The following ZNF518A variants were observed in gnomAD, a reference collection of about 807,000 sequenced individuals.
The protein encoded by ZNF518A is zinc finger protein 518A.
ZNF518A carries 47 observed loss-of-function variants against 102.7 expected under a neutral mutation model. The ratio of observed to expected loss-of-function variants is 0.46; its 90% CI spans 0.36 to 0.58. ZNF518A has a LOEUF of 0.58. Ranked by LOEUF, ZNF518A falls within the 20% of genes least tolerant of loss-of-function variation. The pLI is 0.00. For missense variants in ZNF518A, 1,793 were observed against 1,699.8 expected, an observed-to-expected ratio of 1.05 and a Z score of -0.96; for synonymous variants, 652 against 594.6, an observed-to-expected ratio of 1.10 and a Z score of -1.40.
At chr10:96,151,501 C>T (rs2082449028) in intron 3 of ZNF518A, 1 of 152,256 alleles carries the variant, frequency 6.6e-6, no homozygotes, top group South Asian at 2.1e-4. Context: ...GTACCTCAGC[C>T]TGAGCCTTCT....
At position 96,192,018 on chromosome 10, in the gene ZNF518A, G is replaced by A. The variant is rs931320409; in HGVS notation, n.36-11556G>A. ...ACTTCAGTCTGGTGGAATCTTTTGT[G>A]TTATTCTGACTGTCAATAAGAACCA... On this transcript the variant is annotated intron_variant and non_coding_transcript_variant, in intron 1 of 2. Coordinates refer to the ZNF518A transcript ENST00000442635. The A allele has an allele frequency of 6.2e-7, 1 of 1,613,638 alleles. No homozygotes were observed. Among genetic ancestry groups the A allele is most frequent in the Middle Eastern group, 1.7e-4 (1 of 6,056 alleles).
chr10:96,181,760 G>A (rs587610549), intron 1 of ZNF518A, among the ~76,000 whole-genome samples: 1 of 152,314 alleles, frequency 6.6e-6, no homozygotes, highest in South Asian at 2.1e-4. Flanking sequence ...ATAGTTTGAA[G>A]TCAGGTAGCG....
At chr10:96,184,510 C>G (rs1381209484) in intron 1 of ZNF518A, among the ~76,000 whole-genome samples, 38 of 152,208 alleles carry the variant, frequency 2.5e-4, no homozygotes, top group Non-Finnish European at 4.9e-4. Flanking sequence ...GTGACAAAAT[C>G]TCTCAGCATT....
chr10:96,201,539 G>A (rs1283245042), intron 1 of ZNF518A, among the ~76,000 whole-genome samples: 1 of 152,108 alleles, frequency 6.6e-6, no homozygotes, highest in African/African-American at 2.4e-5. Flanking sequence ...TGTTTTAAAT[G>A]TCTCAGTTTT....
At position 96,159,607 on chromosome 10, in the gene ZNF518A, T is replaced by C. The variant is rs782381034; in HGVS notation, c.3285T>C (p.Tyr1095=). 5 of 1,613,790 alleles carry C rather than the reference T, an allele frequency of 3.1e-6. No individual in the cohort carries two copies. Among genetic ancestry groups the C allele is most frequent in the African/African-American group, 1.3e-5 (1 of 74,944 alleles). The change falls in exon 6 of 6, where the codon TAT becomes TAC. Residue 1095 remains tyrosine, a synonymous_variant. Transcript: ENST00000316045. ...QNEIFPKPPL[Y]TFLPDGKQAV... ...AGATTTTTCCAAAACCACCTCTTTA[T>C]ACCTTCTTGCCTGATGGCAAACAAG...
At chr10:96,149,609 C>T (rs983429649) in intron 3 of ZNF518A, among the ~76,000 whole-genome samples, 2 of 152,188 alleles carry the variant, frequency 1.3e-5, no homozygotes, top group Non-Finnish European at 2.9e-5. Context: ...TCTTAGGCCT[C>T]GTAAAGATTC....
At position 96,157,289 on chromosome 10, in the gene ZNF518A, T is replaced by G. The variant is rs868956789; in HGVS notation, c.967T>G (p.Ser323Ala). Residue 323 changes from serine (S) to alanine (A), a missense_variant, in exon 6 of 6, where the codon TCA becomes GCA. By Grantham distance (99) the Ser-to-Ala change is moderately conservative. Around this residue, in one of 3 missense-constraint regions of ZNF518A, gnomAD observed 1,741 missense variants for 1,622.6 expected, o/e 1.07. Transcript: ENST00000316045. ...ACTGAAAAGATATAAAATAGGTGCATCAAGGAAGACGTTCTGGAAACGTAA... is the reference window on the plus strand; with the variant it reads ...ACTGAAAAGATATAAAATAGGTGCAGCAAGGAAGACGTTCTGGAAACGTAA... ...LILKRYKIGASRKTFWKRKKI... is the reference protein window; with the variant it reads ...LILKRYKIGAARKTFWKRKKI... 5 of 1,612,336 alleles carry G rather than the reference T, an allele frequency of 3.1e-6. No homozygotes were observed. Among genetic ancestry groups the G allele is most frequent in the African/African-American group, 2.7e-5 (2 of 75,014 alleles).
chr10:96,150,079 C>G (rs2082356349), intron 3 of ZNF518A, among the ~76,000 whole-genome samples: 1 of 151,252 alleles, frequency 6.6e-6, no homozygotes, highest in East Asian at 1.9e-4. Flanking sequence ...AATCTGAGCA[C>G]TTTGGGAGGC....
chr10:96,131,955 T>C (rs587739293), intron 1 of ZNF518A, among the ~76,000 whole-genome samples: 1 of 152,250 alleles, frequency 6.6e-6, no homozygotes, highest in African/African-American at 2.4e-5. Flanking sequence ...TATAGTTGTT[T>C]AGAATTGTTC....
rs782476063 is a variant in ZNF518A at position 96,160,204 on chromosome 10, A to G, written c.3882A>G (p.Thr1294=). 1.9e-6 allele frequency: 3 copies of G among 1,611,086 alleles called. No individual in the cohort carries two copies. The highest frequency in any genetic ancestry group is 1.7e-6 in the Non-Finnish European group (2 of 1,178,746). Residue 1294 remains threonine (T), a synonymous_variant, in exon 6 of 6, where the codon ACA becomes ACG. Transcript: ENST00000316045. ...AAGAACCTCCAAGAAGAAAAGCAAC[A>G]TTGCATAGAAAGTGTAAAGAAAAGG... The part of the protein sequence containing the change: ...SYQEPPRRKA[T]LHRKCKEKAK...
chr10:96,135,713 C>T (rs587632901), intron 3 of ZNF518A, among the ~76,000 whole-genome samples: 2 of 152,216 alleles, frequency 1.3e-5, no homozygotes, highest in East Asian at 3.8e-4. Context: ...AGAATAATGA[C>T]TGTGGTGCTT....
At chr10:96,180,679 C>A (rs1329080522) in intron 1 of ZNF518A, among the ~76,000 whole-genome samples, 6 of 152,104 alleles carry the variant, frequency 3.9e-5, no homozygotes, top group Admixed American at 1.3e-4. Flanking sequence ...TGAACTCATC[C>A]TTTTTTATGG....
chr10:96,195,699 A>G (rs2083448115), intron 1 of ZNF518A, among the ~76,000 whole-genome samples: 1 of 152,266 alleles, frequency 6.6e-6, no homozygotes, highest in Admixed American at 6.5e-5. Context: ...TTTTAGTTCT[A>G]TAAGATGAAC....
At chr10:96,187,358 T>G (rs2083278360) in intron 1 of ZNF518A, among the ~76,000 whole-genome samples, 1 of 152,130 alleles carries the variant, frequency 6.6e-6, no homozygotes, top group Non-Finnish European at 1.5e-5. Context: ...AGAGGCTGAG[T>G]TATATGGTGT....
At chr10:96,175,892 TTCCTTCCTTCCTTCCTTCC>T (rs1269468235) in intron 1 of ZNF518A, among the ~76,000 whole-genome samples, 2 of 66,342 alleles carry the variant, frequency 3.0e-5, no homozygotes, top group African/African-American at 9.1e-5. Flanking sequence ...CCTTCCTTCC[TTCCTTCCTTCCTTCCTTCC>T]TTCCTTCCTT....
At chr10:96,176,865 C>T (rs1245163786) in intron 1 of ZNF518A, among the ~76,000 whole-genome samples, 2 of 152,166 alleles carry the variant, frequency 1.3e-5, no homozygotes, top group Non-Finnish European at 2.9e-5. Flanking sequence ...CCACTGCATT[C>T]CAGCCTGGGT....
intron 1 of ZNF518A, chr10:96,191,725 T>C (rs587607294): frequency 8.0e-5 from 29 of 362,588 alleles, no homozygotes; most frequent in African/African-American, 5.7e-4. Flanking sequence ...AAATATTTAT[T>C]TGGAAAATAT....
In ZNF518A at chr10:96,158,889, A is replaced by T. The variant is rs782641609; in HGVS notation, c.2567A>T (p.Asn856Ile). 3 of 1,613,588 alleles carry T rather than the reference A, an allele frequency of 1.9e-6. No individual in the cohort carries two copies. The East Asian group carries it at 6.7e-5, about 36-fold the overall frequency. ...ATTAATGTGCCTACAAATGATTTGA[A>T]TTTGAAATTTGGAAAAGAAAAACAA... ...VGINVPTNDL[N>I]LKFGKEKQVS... Residue 856 changes from asparagine to isoleucine, a missense_variant, in exon 6 of 6, where the codon AAT becomes ATT. Physicochemically the swap from Asn to Ile is moderately radical, Grantham distance 149 (BLOSUM62 -3). Transcript: ENST00000316045.
intron 1 of ZNF518A, among the ~76,000 whole-genome samples, chr10:96,196,111 A>C (rs1036028069): frequency 6.6e-6 from 1 of 152,242 alleles, no homozygotes; most frequent in Non-Finnish European, 1.5e-5. Context: ...TTCTGAAGGA[A>C]TCTTGAAAGT....
Sources: gnomAD v4.1 joint callset for allele counts (sites outside exome capture counted in the v4.1 genomes callset) on GRCh38, gnomAD v4.1.1 for gene constraint, gnomAD v4.1.1 regional missense constraint, MANE v1.5 for transcripts, NCBI Gene and HGNC (gene_info 2026-07-23, HGNC 2026-07-21) for gene names.